The following MSANTD3 variants were observed in gnomAD, a reference collection of about 807,000 sequenced individuals.
MSANTD3 encodes myb/SANT-like DNA-binding domain-containing protein 3.
MSANTD3 carries 11 observed loss-of-function variants against 27.7 expected under a neutral mutation model. The observed-to-expected ratio is 0.40, with a 90% CI of 0.25 to 0.66. The LOEUF is 0.66. Among genes scored for constraint, MSANTD3 ranks in the 30% least tolerant of loss-of-function variants. MSANTD3 has a pLI of 0.41. For synonymous variants in MSANTD3, 131 were observed against 127.2 expected, an observed-to-expected ratio of 1.03 and a Z score of -0.20; for missense variants, 250 against 336.5, an observed-to-expected ratio of 0.74 and a Z score of 2.01.
chr9:100,450,883 A>G lies in MSANTD3; in HGVS notation c.745A>G (p.Met249Val). 5 of 1,613,712 alleles carry G rather than the reference A, an allele frequency of 3.1e-6. No homozygotes were observed. Among genetic ancestry groups the G allele is most frequent in the Non-Finnish European group, 4.2e-6 (5 of 1,179,950 alleles). The change falls in exon 3 of 3, where the codon ATG (methionine) becomes GTG (valine). Residue 249 changes from methionine to valine, a missense_variant. By Grantham distance (21) the Met-to-Val change is conservative. Coordinates refer to ENST00000395067, the MANE Select transcript of MSANTD3 (RefSeq NM_080655.3). ...IKMEVLNKKK[M>V]YWERKLQTFT... is the part of the protein sequence containing the mutation. ...AATGGAAGTTCTCAATAAAAAGAAGATGTATTGGGAAAGAAAACTACAAAC... is the reference window on the plus strand; with the variant it reads ...AATGGAAGTTCTCAATAAAAAGAAGGTGTATTGGGAAAGAAAACTACAAAC...
At position 100,451,657 on chromosome 9, in the gene MSANTD3, C is replaced by T. The variant is rs1836891991; in HGVS notation, c.*691C>T. ...TTTGTTGGAGCTAAGGATGTAACTA[C>T]TTTGAGGAAGAAATGTTCGTTTAGA... On this transcript the variant is annotated 3_prime_UTR_variant, in exon 3 of 3. Transcript: ENST00000395067. 6.7e-6 allele frequency: 1 copy of T among 149,288 alleles called. No homozygotes were observed. The allele number at this position is 149,288 out of a possible 1,614,324, so 9.2% of individuals were successfully genotyped here. A position where few individuals can be genotyped will look rare whatever the true frequency, so the allele number is the denominator to read the frequency against.
chr9:100,432,113 A>T (rs1019923346), intron 1 of MSANTD3, among the ~76,000 whole-genome samples: 7 of 152,202 alleles, frequency 4.6e-5, no homozygotes, highest in African/African-American at 1.4e-4. Context: ...CTGGTTCTGC[A>T]TGCACACAGT....
chr9:100,449,636 G>A (rs1482850859), intron 2 of MSANTD3, among the ~76,000 whole-genome samples: 2 of 152,148 alleles, frequency 1.3e-5, no homozygotes, highest in Non-Finnish European at 2.9e-5. Context: ...GATGTGAGTA[G>A]CTTGTGGTAG....
chr9:100,441,950 C>T lies in MSANTD3; in HGVS notation c.12C>T (p.Asn4=), dbSNP rs377013419. The T allele has an allele frequency of 2.3e-5, 37 of 1,604,710 alleles. No individual in the cohort carries two copies. The highest frequency in any genetic ancestry group is 2.9e-5 in the Non-Finnish European group (34 of 1,174,178). The change falls in exon 2 of 3, where the codon AAC becomes AAT. Residue 4 remains asparagine (N), a synonymous_variant. Transcript: ENST00000395067. ...AAATACAGTGGAAAATGCAAAACAA[C>T]GAAATTATAAAGCCTGCCAAATACT... is the stretch of plus-strand genomic sequence containing the variant. MQN[N]EIIKPAKYFS... is the part of the protein sequence containing the mutation.
At chr9:100,436,575 G>A (rs370265020) in intron 1 of MSANTD3, among the ~76,000 whole-genome samples, 9 of 152,212 alleles carry the variant, frequency 5.9e-5, no homozygotes, top group African/African-American at 1.2e-4. Context: ...AAGTTGATGC[G>A]GCAGGGAACG....
At chr9:100,440,070 T>C (rs1246027101) in intron 1 of MSANTD3, among the ~76,000 whole-genome samples, 3 of 152,198 alleles carry the variant, frequency 2.0e-5, no homozygotes, top group Non-Finnish European at 4.4e-5. Context: ...TTGAAAGATA[T>C]GGGAATAGCG....
rs191471558 is a variant in MSANTD3, at chr9:100,438,611, G to A, written c.-33-3295G>A. ...TCTGGAGCAGAGACATTGAGGTTAG[G>A]GAATTGGATCAGAATCTGCTGTGTA... On this transcript the variant is annotated intron_variant, in intron 1 of 2. Transcript: ENST00000395067. Among the ~76,000 whole-genome samples, 520 of 152,264 alleles carry A rather than the reference G, an allele frequency of 3.4e-3. 1 individual carries two copies. Among genetic ancestry groups the A allele is most frequent in the African/African-American group, 0.011 (470 of 41,538 alleles).
chr9:100,429,239 A>G (rs1234427986), intron 1 of MSANTD3, among the ~76,000 whole-genome samples: 1 of 152,226 alleles, frequency 6.6e-6, no homozygotes, highest in Admixed American at 6.5e-5. Context: ...AACATCATGC[A>G]TACTTGGAAG....
intron 1 of MSANTD3, among the ~76,000 whole-genome samples, chr9:100,436,771 G>C (rs1836486801): frequency 6.6e-6 from 1 of 151,862 alleles, no homozygotes; most frequent in African/African-American, 2.4e-5. Context: ...CATGGACCAT[G>C]TTAAAGCTCC....
At chr9:100,442,481 A>G in intron 2 of MSANTD3, 125 bp downstream of exon 2, 3 of 1,412,636 alleles carry the variant, frequency 2.1e-6, no homozygotes, top group Non-Finnish European at 2.8e-6. Flanking sequence ...CAATTTTCCT[A>G]ATTCAAGATC....
At chr9:100,446,161 A>G (rs115445207) in intron 2 of MSANTD3, among the ~76,000 whole-genome samples, 1 of 152,322 alleles carries the variant, frequency 6.6e-6, no homozygotes, top group African/African-American at 2.4e-5. Flanking sequence ...GATAATTTAT[A>G]TTTAATTTCA....
At chr9:100,444,930 G>C (rs1243370678) in intron 2 of MSANTD3, 6 of 390,002 alleles carry the variant, frequency 1.5e-5, no homozygotes, top group East Asian at 1.1e-4. Flanking sequence ...TTTTAAATTG[G>C]ATGTTTGTAC....
chr9:100,430,341 A>G (rs555190848), intron 1 of MSANTD3, among the ~76,000 whole-genome samples: 21 of 150,782 alleles, frequency 1.4e-4, no homozygotes, highest in South Asian at 8.3e-4. Flanking sequence ...AAAAAAAAAA[A>G]AGAGAGATTG....
At chr9:100,437,112 A>G (rs1291701078) in intron 1 of MSANTD3, among the ~76,000 whole-genome samples, 1 of 152,030 alleles carries the variant, frequency 6.6e-6, no homozygotes, top group Non-Finnish European at 1.5e-5. Flanking sequence ...GCCCAAACAT[A>G]CAGTCTTACT....
rs575383263 is a variant in MSANTD3 at position 100,451,413 on chromosome 9, A to G, written c.*447A>G. ...TCCTGGGAGGCTACACGTTTCTCCA[A>G]TGGTGATGCTGTTGCTCAGAACTTG... On this transcript the variant is annotated 3_prime_UTR_variant, in exon 3 of 3. Coordinates refer to ENST00000395067, the MANE Select transcript of MSANTD3 (RefSeq NM_080655.3). 1.8e-3 allele frequency: 277 copies of G among 153,584 alleles called. 1 individual carries two copies. Among genetic ancestry groups the G allele is most frequent in the African/African-American group, 6.0e-3 (247 of 41,368 alleles). 9.5% of individuals were successfully genotyped at this position (153,584 alleles called of 1,614,324 possible).
chr9:100,442,850 T>C (rs1790903426), intron 2 of MSANTD3, among the ~76,000 whole-genome samples: 1 of 148,258 alleles, frequency 6.7e-6, no homozygotes. Flanking sequence ...AAAACAAAAG[T>C]ACTTGTTTAC....
chr9:100,445,310 A>G (rs1836728238), intron 2 of MSANTD3: 1 of 920,820 alleles, frequency 1.1e-6, no homozygotes, highest in Non-Finnish European at 1.8e-6. Flanking sequence ...TGTGTGTGTG[A>G]TCTTTCTATT....
chr9:100,442,257 G>A lies in MSANTD3; in HGVS notation c.319G>A (p.Gly107Arg), dbSNP rs775005252. Residue 107 changes from glycine to arginine, a missense_variant, in exon 2 of 3, where the codon GGG becomes AGG. Physicochemically the swap from Gly to Arg is moderately radical, Grantham distance 125. Around this residue, in one of 3 missense-constraint regions of MSANTD3, gnomAD observed 235 missense variants for 299.3 expected, o/e 0.79. Transcript: ENST00000395067. ...VSPLLSTHVL[G>R]KEKIASMLPE... is the part of the protein sequence containing the mutation. ...CCCTCTCCTGAGTACCCACGTCCTAGGGAAGGAGAAGATCGCCAGCATGCT... is the reference window on the plus strand; with the variant it reads ...CCCTCTCCTGAGTACCCACGTCCTAAGGAAGGAGAAGATCGCCAGCATGCT... The A allele has an allele frequency of 2.5e-6, 4 of 1,614,166 alleles. No homozygotes were observed. Among genetic ancestry groups the A allele is most frequent in the Non-Finnish European group, 2.5e-6 (3 of 1,180,030 alleles).
chr9:100,432,944 A>T (rs1193324887), intron 1 of MSANTD3, among the ~76,000 whole-genome samples: 1 of 152,204 alleles, frequency 6.6e-6, no homozygotes, highest in African/African-American at 2.4e-5. Context: ...TACCCCCTTG[A>T]GCTTTATAAT....
Sources: gnomAD v4.1 joint callset for allele counts (sites outside exome capture counted in the v4.1 genomes callset) on GRCh38, gnomAD v4.1.1 for gene constraint, gnomAD v4.1.1 regional missense constraint, MANE v1.5 for transcripts, NCBI Gene and HGNC (gene_info 2026-07-23, HGNC 2026-07-21) for gene names.